The following BAG5 variants were observed in gnomAD, a reference collection of about 807,000 sequenced individuals.
BAG5 encodes the protein BAG cochaperone 5.
A neutral mutation model predicts 31.8 loss-of-function variants in BAG5; 25 were observed. That is an observed-to-expected ratio of 0.79 (90% CI 0.57 to 1.10). BAG5 has a LOEUF of 1.10. Among genes scored for constraint, BAG5 ranks in the 50% least tolerant of loss-of-function variants. The pLI is 0.00. For missense variants in BAG5, 491 were observed against 527.9 expected, an observed-to-expected ratio of 0.93 and a Z score of 0.68; for synonymous variants, 208 against 205.0, an observed-to-expected ratio of 1.01 and a Z score of -0.13.
chr14:103,561,851 C>T, intron 1 of BAG5: 2 of 1,251,116 alleles, frequency 1.6e-6, no homozygotes, highest in East Asian at 4.7e-5. Context: ...CAACATGCTC[C>T]ACTCTCTCAA....
At position 103,557,100 on chromosome 14, in the gene BAG5, T is replaced by A. The variant is rs1595124775; in HGVS notation, c.*2721A>T. The A allele has an allele frequency of 6.6e-6, 1 of 152,394 alleles. No homozygotes were observed. The highest frequency in any genetic ancestry group is 1.9e-4 in the East Asian group (1 of 5,194). 9.4% of individuals were successfully genotyped at this position (152,394 alleles called of 1,614,324 possible). A position where few individuals can be genotyped will look rare whatever the true frequency, so the allele number is the denominator to read the frequency against. On this transcript the variant is annotated 3_prime_UTR_variant, in exon 2 of 2. Transcript: ENST00000299204. ...ATAAAGCAAACGTTCCCAGCCATTT[T>A]TGGCATGAACATGGACTACAGCGTT...
chr14:103,562,125 G>A lies in BAG5; in HGVS notation c.-29+491C>T, dbSNP rs926428331. The A allele has an allele frequency of 4.1e-5, 29 of 710,488 alleles. No homozygotes were observed. In the East Asian group the frequency reaches 7.3e-4, roughly 18 times the overall value. 44.0% of individuals were successfully genotyped at this position (710,488 alleles called of 1,614,324 possible). On this transcript the variant is annotated intron_variant, in intron 1 of 1. Transcript: ENST00000299204. ...CCAAAAGAAGTCTGAATTGGATGCG[G>A]TCTTGGCGTCCCGTGGCTGAGGTGG...
rs2076052780 is a variant in BAG5 at position 103,558,830 on chromosome 14, T to C, written c.*991A>G. 1 of 152,210 alleles carries C rather than the reference T, an allele frequency of 6.6e-6. No individual in the cohort carries two copies. The allele number at this position is 152,210 out of a possible 1,614,324, so 9.4% of individuals were successfully genotyped here. On this transcript the variant is annotated 3_prime_UTR_variant, in exon 2 of 2. Coordinates refer to ENST00000299204, the MANE Select transcript of BAG5 (RefSeq NM_001015048.3). ...GTTACTGACAGCGTCTACCCTCACG[T>C]TGTAAAACAGCACCGGGGAGGTGTG... is the stretch of plus-strand genomic sequence containing the variant.
chr14:103,560,598 C>T lies in BAG5; in HGVS notation c.567G>A (p.Val189=), dbSNP rs367847266. 1.9e-6 allele frequency: 3 copies of T among 1,614,012 alleles called. No homozygotes were observed. The highest frequency in any genetic ancestry group is 2.7e-5 in the African/African-American group (2 of 74,908). Residue 189 remains valine, a synonymous_variant, in exon 2 of 2, where the codon GTG becomes GTA. Coordinates refer to ENST00000299204, the MANE Select transcript of BAG5 (RefSeq NM_001015048.3). ...CTCGGGCCTTGTTCACCTCACACAT[C>T]ACGAAGTTGATTTTGGCAACGGAAG... The part of the protein sequence containing the change: ...AHPSVAKINF[V]MCEVNKARGV...
chr14:103,559,120 T>C lies in BAG5; in HGVS notation c.*701A>G, dbSNP rs1421616152. 6.6e-6 allele frequency: 1 copy of C among 152,174 alleles called. No homozygotes were observed. The highest frequency in any genetic ancestry group is 1.5e-5 in the Non-Finnish European group (1 of 68,034). The allele number at this position is 152,174 out of a possible 1,614,324, so 9.4% of individuals were successfully genotyped here. On this transcript the variant is annotated 3_prime_UTR_variant, in exon 2 of 2. Transcript: ENST00000299204. ...ACAAAAGCAACTTACAAGGTATTAT[T>C]GCTGGTCCTTTATCCCTTCTCTTTA...
In BAG5 at chr14:103,559,816, G is replaced by T. The variant is rs553110823; in HGVS notation, c.*5C>A. 1.2e-6 allele frequency: 2 copies of T among 1,609,030 alleles called. No homozygotes were observed. Among genetic ancestry groups the T allele is most frequent in the East Asian group, 4.5e-5 (2 of 44,800 alleles). ...AACAGTATCAAAAGTGAGATCTCTG[G>T]TATTTCAGTACTCCCATTCATCAGA... is the stretch of plus-strand genomic sequence containing the variant. On this transcript the variant is annotated 3_prime_UTR_variant, in exon 2 of 2. Coordinates refer to ENST00000299204, the MANE Select transcript of BAG5 (RefSeq NM_001015048.3).
chr14:103,557,966 C>T lies in BAG5; in HGVS notation c.*1855G>A, dbSNP rs1485762558. 6.6e-6 allele frequency: 1 copy of T among 152,144 alleles called. No homozygotes were observed. Among genetic ancestry groups the T allele is most frequent in the African/African-American group, 2.4e-5 (1 of 41,420 alleles). The allele number at this position is 152,144 out of a possible 1,614,324, so 9.4% of individuals were successfully genotyped here. A position where few individuals can be genotyped will look rare whatever the true frequency, so the allele number is the denominator to read the frequency against. On this transcript the variant is annotated 3_prime_UTR_variant, in exon 2 of 2. Coordinates refer to ENST00000299204, the MANE Select transcript of BAG5 (RefSeq NM_001015048.3). The stretch of plus-strand genomic sequence containing the variant: ...TGAGATGGCACCACTGCACTGCAGC[C>T]TGGGCAACAGAGACTCCATCTCAAA...
chr14:103,560,970 C>A lies in BAG5; in HGVS notation c.195G>T (p.Gln65His). The A allele has an allele frequency of 6.2e-7, 1 of 1,614,196 alleles. No homozygotes were observed. The highest frequency in any genetic ancestry group is 8.5e-7 in the Non-Finnish European group (1 of 1,180,046). The change falls in exon 2 of 2, where the codon CAG becomes CAT. Residue 65 changes from glutamine (Q) to histidine (H), a missense_variant. Coordinates refer to ENST00000299204, the MANE Select transcript of BAG5 (RefSeq NM_001015048.3). ...SVDTEGKGDI[Q>H]QARKRAAQET... ...CCTGTGCTGCCCGCTTCCTAGCTTG[C>A]TGAATATCTCCTTTTCCTTCAGTAT...
chr14:103,561,408 C>T (rs2076072873), intron 1 of BAG5, among the ~76,000 whole-genome samples: 1 of 152,136 alleles, frequency 6.6e-6, no homozygotes, highest in Admixed American at 6.5e-5. Context: ...ATTGCCCAGG[C>T]TGGTCTCAGA....
At position 103,560,756 on chromosome 14, in the gene BAG5, C is replaced by T; in HGVS notation, c.409G>A (p.Val137Ile). Residue 137 changes from valine to isoleucine, a missense_variant, in exon 2 of 2, where the codon GTT becomes ATT. Physicochemically the swap from Val to Ile is conservative, Grantham distance 29. Transcript: ENST00000299204. ...AAGGAGATTTTTCCTCCAGTTTTAA[C>T]ATGTGTCAGCCTCAGAATGATATCT... ...IQDIILRLTH[V>I]KTGGKISLRK... The T allele has an allele frequency of 6.2e-7, 1 of 1,614,110 alleles. No homozygotes were observed. The highest frequency in any genetic ancestry group is 8.5e-7 in the Non-Finnish European group (1 of 1,180,034).
intron 1 of BAG5, 74 bp from the exon 2 acceptor site, chr14:103,561,266 T>TC: frequency 7.0e-7 from 1 of 1,431,304 alleles, no homozygotes; most frequent in Non-Finnish European, 9.3e-7. Context: ...ATTAAGTCAT[T>TC]CTAAAATTCT....
In BAG5 at chr14:103,557,791, G is replaced by A. The variant is rs977948740; in HGVS notation, c.*2030C>T. 7 of 152,044 alleles carry A rather than the reference G, an allele frequency of 4.6e-5. No homozygotes were observed. The highest frequency in any genetic ancestry group is 1.7e-4 in the African/African-American group (7 of 41,380). 9.4% of individuals were successfully genotyped at this position (152,044 alleles called of 1,614,324 possible). A position where few individuals can be genotyped will look rare whatever the true frequency, so the allele number is the denominator to read the frequency against. On this transcript the variant is annotated 3_prime_UTR_variant, in exon 2 of 2. Transcript: ENST00000299204. ...GGGCGGATCACGAGGTCAGGAGTTC[G>A]AGACCAGCCTGACCATCATGGTGAA...
At position 103,559,541 on chromosome 14, in the gene BAG5, A is replaced by G; in HGVS notation, c.*280T>C. On this transcript the variant is annotated 3_prime_UTR_variant, in exon 2 of 2. Coordinates refer to ENST00000299204, the MANE Select transcript of BAG5 (RefSeq NM_001015048.3). ...TGCACAACCCATTTAAAATCTACAA[A>G]AGCTGCCTCTATTTTGTTTTCTGAT... 2 of 334,660 alleles carry G rather than the reference A, an allele frequency of 6.0e-6. No individual in the cohort carries two copies. Among genetic ancestry groups the G allele is most frequent in the Non-Finnish European group, 5.5e-6 (1 of 182,150 alleles). 20.7% of individuals were successfully genotyped at this position (334,660 alleles called of 1,614,324 possible).
rs1203402018 is a variant in BAG5, at chr14:103,557,584, C to A, written c.*2237G>T. The A allele has an allele frequency of 6.6e-6, 1 of 152,178 alleles. No individual in the cohort carries two copies. Among genetic ancestry groups the A allele is most frequent in the Admixed American group, 6.5e-5 (1 of 15,274 alleles). The allele number at this position is 152,178 out of a possible 1,614,324, so 9.4% of individuals were successfully genotyped here. ...ACAATGGACACTTTTAAAGGGAATG[C>A]TGACATTTAACTTTACAAAATGAAA... is the stretch of plus-strand genomic sequence containing the variant. On this transcript the variant is annotated 3_prime_UTR_variant, in exon 2 of 2. Transcript: ENST00000299204.
In BAG5 at chr14:103,559,875, A is replaced by C. The variant is rs755357288; in HGVS notation, c.1290T>G (p.Leu430=). ...CGAGATAGCTGAGAATATTCTGCGC[A>C]AGCCTCACAGCTTGTTTCCTGGCAG... ...CKAARKQAVR[L]AQNILSYLDL... is the part of the protein sequence containing the mutation. The change falls in exon 2 of 2, where the codon CTT becomes CTG. Residue 430 remains leucine (L), a synonymous_variant. Coordinates refer to ENST00000299204, the MANE Select transcript of BAG5 (RefSeq NM_001015048.3). The C allele has an allele frequency of 3.2e-5, 51 of 1,614,058 alleles. No individual in the cohort carries two copies. In the Admixed American group the frequency reaches 8.5e-4, roughly 27 times the overall value.
rs1282942296 is a variant in BAG5, at chr14:103,559,275, T to G, written c.*546A>C. On this transcript the variant is annotated 3_prime_UTR_variant, in exon 2 of 2. Coordinates refer to ENST00000299204, the MANE Select transcript of BAG5 (RefSeq NM_001015048.3). ...TGCTGTTTTTCCAACTAAAAATGTT[T>G]ACAAAAGAACAGACTGTCTGAACAA... 1.3e-5 allele frequency: 2 copies of G among 152,186 alleles called. No individual in the cohort carries two copies. Among genetic ancestry groups the G allele is most frequent in the African/African-American group, 4.8e-5 (2 of 41,424 alleles). 9.4% of individuals were successfully genotyped at this position (152,186 alleles called of 1,614,324 possible).
rs1373398722 is a variant in BAG5 at position 103,558,272 on chromosome 14, G to A, written c.*1549C>T. ...GGGAAATACTGAGAGACAAGCTGAA[G>A]ATTTGTTAAGGGCTATGCTTCTGTC... On this transcript the variant is annotated 3_prime_UTR_variant, in exon 2 of 2. Coordinates refer to ENST00000299204, the MANE Select transcript of BAG5 (RefSeq NM_001015048.3). 6.6e-6 allele frequency: 1 copy of A among 152,224 alleles called. No homozygotes were observed. Among genetic ancestry groups the A allele is most frequent in the Non-Finnish European group, 1.5e-5 (1 of 68,046 alleles). The allele number at this position is 152,224 out of a possible 1,614,324, so 9.4% of individuals were successfully genotyped here.
rs1043673900 is a variant in BAG5 at position 103,560,893 on chromosome 14, C to T, written c.272G>A (p.Arg91Gln). ...CTCAAAAATGTTCTGTATTTCAATC[C>T]GGTGTGGGTGGTTTGCATTCTGCTC... ...ELEQNANHPH[R>Q]IEIQNIFEEA... Residue 91 changes from arginine (R) to glutamine (Q), a missense_variant, in exon 2 of 2, where the codon CGG (arginine) becomes CAG (glutamine). Arg to Gln is a conservative substitution (Grantham distance 43). Transcript: ENST00000299204. The T allele has an allele frequency of 1.9e-6, 3 of 1,613,988 alleles. No homozygotes were observed. Among genetic ancestry groups the T allele is most frequent in the Admixed American group, 1.7e-5 (1 of 59,976 alleles).
At position 103,559,572 on chromosome 14, in the gene BAG5, A is replaced by G. The variant is rs2076056958; in HGVS notation, c.*249T>C. ...CCTCTATTTTGTTTTCTGATTAAAAACGCAAAAAAAAGGACAAACCAAACA... is the reference window on the plus strand; with the variant it reads ...CCTCTATTTTGTTTTCTGATTAAAAGCGCAAAAAAAAGGACAAACCAAACA... On this transcript the variant is annotated 3_prime_UTR_variant, in exon 2 of 2. Coordinates refer to ENST00000299204, the MANE Select transcript of BAG5 (RefSeq NM_001015048.3). 8 of 415,160 alleles carry G rather than the reference A, an allele frequency of 1.9e-5. No individual in the cohort carries two copies. In the South Asian group the frequency reaches 3.2e-4, roughly 17 times the overall value. 25.7% of individuals were successfully genotyped at this position (415,160 alleles called of 1,614,324 possible).
Sources: allele counts gnomAD v4.1 joint callset (sites outside exome capture counted in the v4.1 genomes callset), GRCh38; gene constraint gnomAD v4.1.1; transcripts MANE v1.5; gene names NCBI Gene and HGNC (gene_info 2026-07-23, HGNC 2026-07-21).